Variants in COL24A1 observed in about 807,000 individuals in gnomAD.
COL24A1 encodes collagen type XXIV alpha 1 chain, also known as collagen alpha-1(XXIV) chain.
Under a neutral mutation model 253.9 loss-of-function variants are expected in COL24A1, and 224 were observed. That is an observed-to-expected ratio of 0.88 (90% CI 0.79 to 0.99). The LOEUF (loss-of-function observed/expected upper bound fraction) is 0.99, where lower values mean the gene tolerates loss of function less well. Among genes scored for constraint, COL24A1 ranks in the 50% least tolerant of loss-of-function variants. The pLI is 0.00. For synonymous variants in COL24A1, 685 were observed against 673.7 expected (o/e 1.02, Z -0.26); for missense variants, 2,131 against 2,068.5 (o/e 1.03, Z -0.59).
At position 85,877,189 on chromosome 1, in the gene COL24A1, A is replaced by C. The variant is rs750623297; in HGVS notation, c.2977-14T>G. 1 of 1,576,426 alleles carries C rather than the reference A, an allele frequency of 6.3e-7. No homozygotes were observed. The highest frequency in any genetic ancestry group is 8.6e-7 in the Non-Finnish European group (1 of 1,162,038). On this transcript the variant is annotated splice_polypyrimidine_tract_variant and intron_variant, in intron 32 of 59. Coordinates refer to ENST00000370571, the MANE Select transcript of COL24A1 (RefSeq NM_152890.7). ...TCCTCGCAGTCCCTATATTAAAATA[A>C]AATTTAAGATATGAGAATAAAAGTT...
intron 24 of COL24A1, among the ~76,000 whole-genome samples, chr1:85,957,679 C>T (rs1690609958): frequency 6.6e-6 from 1 of 152,176 alleles, no homozygotes; most frequent in African/African-American, 2.4e-5. Context: ...TCTAAATCAT[C>T]TTTCTCATTC....
In COL24A1 at chr1:85,945,019, T is replaced by TTTTTTG. The variant is rs1553237050; in HGVS notation, c.2562+16229_2562+16230insCAAAAA. The stretch of plus-strand genomic sequence containing the variant: ...ATCATTGTGTTTTTTTTTTTTTTTT[T>TTTTTTG]TTTTTTTTTTTTTTTTGAGACAGAG... On this transcript the variant is annotated intron_variant, in intron 24 of 59. Coordinates refer to ENST00000370571, the MANE Select transcript of COL24A1 (RefSeq NM_152890.7). Among the ~76,000 whole-genome samples, 454 of 73,366 alleles carry TTTTTTG rather than the reference T, an allele frequency of 6.2e-3. 14 individuals are homozygous for TTTTTTG. The highest frequency in any genetic ancestry group is 0.014 in the East Asian group (23 of 1,670). 48.1% of individuals were successfully genotyped at this position (73,366 alleles called of 152,430 possible). A position where few individuals can be genotyped will look rare whatever the true frequency, so the allele number is the denominator to read the frequency against.
intron 3 of COL24A1, among the ~76,000 whole-genome samples, chr1:86,118,474 T>A (rs1706374350): frequency 6.6e-6 from 1 of 152,232 alleles, no homozygotes; most frequent in Admixed American, 6.5e-5. Flanking sequence ...AATAGTCCAA[T>A]ACTTCTAAAA....
At position 85,988,512 on chromosome 1, in the gene COL24A1, T is replaced by A. The variant is rs1159285322; in HGVS notation, c.2311-858A>T. The stretch of plus-strand genomic sequence containing the variant: ...TGTGATTCATCAAATTATGATTCAA[T>A]AATTGTAATAAGCTAGTAATTGTGG... On this transcript the variant is annotated intron_variant, in intron 19 of 59. Transcript: ENST00000370571. 2.6e-5 allele frequency among the ~76,000 whole-genome samples: 4 copies of A among 152,072 alleles called. No homozygotes were observed. In the East Asian group the frequency reaches 7.7e-4, roughly 29 times the overall value.
At chr1:86,094,347 A>G (rs1481800788) in intron 5 of COL24A1, among the ~76,000 whole-genome samples, 2 of 152,164 alleles carry the variant, frequency 1.3e-5, no homozygotes, top group Non-Finnish European at 2.9e-5. Flanking sequence ...TTATAGGGAC[A>G]TGGATGGAGC....
intron 24 of COL24A1, among the ~76,000 whole-genome samples, chr1:85,922,333 C>T (rs766079558): frequency 6.6e-6 from 1 of 152,112 alleles, no homozygotes; most frequent in Non-Finnish European, 1.5e-5. Context: ...CAAAGATACT[C>T]CTTGAGAAGA....
chr1:86,041,340 GTGT>G (rs1375905275), intron 12 of COL24A1, among the ~76,000 whole-genome samples: 1 of 152,108 alleles, frequency 6.6e-6, no homozygotes, highest in East Asian at 1.9e-4. Flanking sequence ...AGTTTTCTAG[GTGT>G]TGTTGAAAGC....
At chr1:86,056,126 A>C (rs1700646689) in intron 10 of COL24A1, among the ~76,000 whole-genome samples, 1 of 152,080 alleles carries the variant, frequency 6.6e-6, no homozygotes, top group Admixed American at 6.6e-5. Flanking sequence ...TCAAAAAAAA[A>C]AAAAAAGCCT....
intron 24 of COL24A1, among the ~76,000 whole-genome samples, chr1:85,954,964 C>T (rs1690283047): frequency 6.6e-6 from 1 of 152,164 alleles, no homozygotes; most frequent in Admixed American, 6.5e-5. Context: ...GTAGGTCCCA[C>T]TAAAACTAGC....
intron 22 of COL24A1, among the ~76,000 whole-genome samples, chr1:85,969,337 G>C (rs907303729): frequency 3.9e-5 from 6 of 151,996 alleles, no homozygotes; most frequent in Non-Finnish European, 8.8e-5. Flanking sequence ...AGGCATGGTG[G>C]CTCACTCCTG....
chr1:85,966,791 G>C (rs879255982), intron 22 of COL24A1, among the ~76,000 whole-genome samples: 1 of 152,036 alleles, frequency 6.6e-6, no homozygotes, highest in Non-Finnish European at 1.5e-5. Context: ...GTAGTGGTGG[G>C]AACAAATGTG....
intron 7 of COL24A1, among the ~76,000 whole-genome samples, chr1:86,083,124 C>A (rs1702783016): frequency 6.6e-6 from 1 of 151,812 alleles, no homozygotes; most frequent in Non-Finnish European, 1.5e-5. Context: ...GGTGAAACCC[C>A]GTCTCTATTA....
At chr1:86,136,180 T>G (rs541881938) in intron 2 of COL24A1, among the ~76,000 whole-genome samples, 20 of 152,142 alleles carry the variant, frequency 1.3e-4, no homozygotes, top group Non-Finnish European at 2.9e-4. Flanking sequence ...TTGCATTTTC[T>G]GAGATCTGTC....
chr1:85,823,553 C>A lies in COL24A1; in HGVS notation c.3772G>T (p.Gly1258Ter). 6.2e-7 allele frequency: 1 copy of A among 1,613,962 alleles called. No individual in the cohort carries two copies. The highest frequency in any genetic ancestry group is 1.1e-5 in the South Asian group (1 of 91,072). The stretch of plus-strand genomic sequence containing the variant: ...CAACTTACTTCAGATCCTCTCTCTC[C>A]TTTTAGTCCTTGTTCACCCTGGTCA... The part of the protein sequence containing the change: ...PGDQGEQGLK[G>*]ERGSEGNKGK... The change falls in exon 45 of 60, where the codon GGA becomes TGA. Residue 1258 changes from glycine (G) to a stop codon, truncating the protein, a stop_gained. Coordinates refer to ENST00000370571, the MANE Select transcript of COL24A1 (RefSeq NM_152890.7). LOFTEE classifies it high-confidence loss of function.
chr1:86,114,484 G>A (rs1705931228), intron 4 of COL24A1, among the ~76,000 whole-genome samples: 1 of 152,082 alleles, frequency 6.6e-6, no homozygotes, highest in Non-Finnish European at 1.5e-5. Flanking sequence ...ATGGTTCATG[G>A]GCTAGAGGAG....
Position 86,126,189 on chromosome 1 carries a change from G to T in COL24A1, c.147C>A (p.Gly49=). The T allele has an allele frequency of 8.1e-6, 13 of 1,598,214 alleles. No homozygotes were observed. Among genetic ancestry groups the T allele is most frequent in the Non-Finnish European group, 1.1e-5 (13 of 1,177,170 alleles). Residue 49 remains glycine, a synonymous_variant, in exon 3 of 60, where the codon GGC becomes GGA. Transcript: ENST00000370571. The stretch of plus-strand genomic sequence containing the variant: ...AGTGTCTTACGTCTTTGCCTCCAAG[G>T]CCTAGTTGATGAAGAATATCTATGC... The part of the protein sequence containing the change: ...EQGIDILHQL[G]LGGKDVRHSS...
chr1:85,973,043 T>C (rs2100785848), intron 20 of COL24A1, among the ~76,000 whole-genome samples: 1 of 152,328 alleles, frequency 6.6e-6, no homozygotes, highest in Non-Finnish European at 1.5e-5. Context: ...TCCTGATTGA[T>C]ACAATGATTT....
At chr1:85,745,617 T>C in intron 55 of COL24A1, 111 bp from the exon 56 acceptor site, 1 of 691,686 alleles carries the variant, frequency 1.4e-6, no homozygotes, top group Non-Finnish European at 2.3e-6. Context: ...AGACTTATTA[T>C]CTGAAGGGGT....
intron 24 of COL24A1, chr1:85,960,719 C>A (rs550513997): frequency 6.5e-6 from 1 of 152,958 alleles, no homozygotes; most frequent in East Asian, 1.9e-4. Flanking sequence ...TCCATCTCTA[C>A]TAAAAATACA....
Sources: gnomAD v4.1 joint callset for allele counts (sites outside exome capture counted in the v4.1 genomes callset) on GRCh38, gnomAD v4.1.1 for gene constraint, MANE v1.5 for transcripts, NCBI Gene and HGNC (gene_info 2026-07-23, HGNC 2026-07-21) for gene names.